Variants in CMYA5 observed in about 807,000 individuals in gnomAD.
The protein encoded by CMYA5 is cardiomyopathy-associated protein 5.
Under a neutral mutation model 318.9 loss-of-function variants are expected in CMYA5, and 246 were observed. The ratio of observed to expected loss-of-function variants is 0.77; its 90% CI spans 0.70 to 0.86. The LOEUF (loss-of-function observed/expected upper bound fraction) is 0.86. CMYA5 is among the 40% of genes least tolerant of loss of function. The pLI is 0.00. For synonymous variants in CMYA5, 1,641 were observed against 1,729.5 expected (o/e 0.95, Z 1.27); for missense variants, 4,589 against 4,678.2 (o/e 0.98, Z 0.56).
intron 9 of CMYA5, among the ~76,000 whole-genome samples, chr5:79,766,321 T>G (rs1388125021): frequency 6.6e-6 from 1 of 152,212 alleles, no homozygotes; most frequent in Non-Finnish European, 1.5e-5. Flanking sequence ...CAGGATGGTC[T>G]CAATTTCCTG....
At chr5:79,717,479 C>G (rs4235714) in intron 1 of CMYA5, among the ~76,000 whole-genome samples, 4 of 151,870 alleles carry the variant, frequency 2.6e-5, no homozygotes, top group Non-Finnish European at 4.4e-5. Flanking sequence ...CTTGCAGCAT[C>G]ATTGATGGAT....
chr5:79,784,525 C>G (rs1293437279), intron 9 of CMYA5, among the ~76,000 whole-genome samples: 1 of 91,990 alleles, frequency 1.1e-5, no homozygotes, highest in Non-Finnish European at 2.1e-5. Flanking sequence ...GCCTCGCTGC[C>G]GCCTTGCAGT....
intron 5 of CMYA5, among the ~76,000 whole-genome samples, chr5:79,748,517 CTACCTATCTAT>C (rs1828371422): frequency 2.0e-5 from 2 of 100,770 alleles, no homozygotes; most frequent in Non-Finnish European, 3.9e-5. Flanking sequence ...ATCTATCTAT[CTACCTATCTAT>C]CTATCTATCT....
intron 1 of CMYA5, among the ~76,000 whole-genome samples, chr5:79,694,993 A>G (rs150592861): frequency 6.6e-6 from 1 of 152,332 alleles, no homozygotes; most frequent in Admixed American, 6.5e-5. Context: ...TGACTCAACG[A>G]AGAGTTAAAC....
At chr5:79,743,101 G>A (rs2151089875) in intron 2 of CMYA5, among the ~76,000 whole-genome samples, 2 of 152,240 alleles carry the variant, frequency 1.3e-5, no homozygotes, top group Non-Finnish European at 2.9e-5. Flanking sequence ...TCCTGAAGAG[G>A]CCTCCATCAA....
chr5:79,697,436 C>T (rs796691574), intron 1 of CMYA5, among the ~76,000 whole-genome samples: 3 of 152,204 alleles, frequency 2.0e-5, no homozygotes, highest in Non-Finnish European at 4.4e-5. Context: ...GGACTTCAGA[C>T]GTCATCTCCC....
At chr5:79,764,033 G>C (rs1219725081) in intron 9 of CMYA5, among the ~76,000 whole-genome samples, 4 of 151,840 alleles carry the variant, frequency 2.6e-5, no homozygotes, top group Non-Finnish European at 5.9e-5. Flanking sequence ...TTAAGTTCTG[G>C]GATATGTGTT....
rs1275036323 is a variant in CMYA5, at chr5:79,739,110, G to A, written c.10345G>A (p.Asp3449Asn). The A allele has an allele frequency of 6.2e-7, 1 of 1,613,922 alleles. No individual in the cohort carries two copies. Among genetic ancestry groups the A allele is most frequent in the African/African-American group, 1.3e-5 (1 of 75,044 alleles). The change falls in exon 2 of 13, where the codon GAT becomes AAT. Residue 3449 changes from aspartate (D) to asparagine (N), a missense_variant. Around this residue, in one of 3 missense-constraint regions of CMYA5, gnomAD observed 2,431 missense variants for 2,495.1 expected, o/e 0.97. Transcript: ENST00000446378. ...ACTGTCTTCAGAATCCACACCTGAA[G>A]ATGTCTTATCTCAAGGAAAGGAATC... Reference protein sequence around the residue: ...EELSSESTPEDVLSQGKESFE... With the variant: ...EELSSESTPENVLSQGKESFE...
At chr5:79,723,730 C>A in intron 1 of CMYA5, among the ~76,000 whole-genome samples, 1 of 149,782 alleles carries the variant, frequency 6.7e-6, no homozygotes. Flanking sequence ...CCACTGCACT[C>A]CAGCCTGGGT....
At chr5:79,746,046 C>T (rs906439326) in intron 4 of CMYA5, among the ~76,000 whole-genome samples, 1 of 152,202 alleles carries the variant, frequency 6.6e-6, no homozygotes, top group African/African-American at 2.4e-5. Context: ...GGGTGCTCCT[C>T]ACATTGCACC....
chr5:79,748,248 A>G (rs2151091328), intron 5 of CMYA5, among the ~76,000 whole-genome samples: 1 of 152,268 alleles, frequency 6.6e-6, no homozygotes, highest in Non-Finnish European at 1.5e-5. Context: ...GATGATTCTA[A>G]TGCACAGCCA....
In CMYA5 at chr5:79,758,824, A is replaced by T; in HGVS notation, c.11182A>T (p.Ser3728Cys). The T allele has an allele frequency of 6.2e-7, 1 of 1,604,234 alleles. No individual in the cohort carries two copies. The highest frequency in any genetic ancestry group is 1.1e-5 in the South Asian group (1 of 89,118). ...CAGCACAACAATTGCAGTTTACTGG[A>T]GCATGAACAAGGAAGATGTCATTGA... is the stretch of plus-strand genomic sequence containing the variant. ...ATSTTIAVYW[S>C]MNKEDVIDSF... The change falls in exon 7 of 13, where the codon AGC (serine) becomes TGC (cysteine). Residue 3728 changes from serine to cysteine, a missense_variant. Coordinates refer to ENST00000446378, the MANE Select transcript of CMYA5 (RefSeq NM_153610.5).
intron 1 of CMYA5, among the ~76,000 whole-genome samples, chr5:79,712,129 A>G (rs933159249): frequency 1.3e-5 from 2 of 152,172 alleles, no homozygotes; most frequent in African/African-American, 4.8e-5. Context: ...CTGAAACTCC[A>G]GGGCTGGGAT....
intron 1 of CMYA5, among the ~76,000 whole-genome samples, chr5:79,693,471 G>A (rs6889891): frequency 1.0e-3 from 158 of 151,996 alleles, no homozygotes; most frequent in Middle Eastern, 6.8e-3. Context: ...CTCCTGAGTA[G>A]CTGGGACTAC....
At position 79,737,776 on chromosome 5, in the gene CMYA5, TAA is replaced by T. The variant is rs1363577803; in HGVS notation, c.9013_9014del (p.Lys3005GlufsTer6). On this transcript the variant is annotated frameshift_variant, in exon 2 of 13. Coordinates refer to ENST00000446378, the MANE Select transcript of CMYA5 (RefSeq NM_153610.5). LOFTEE classifies it high-confidence loss of function. The stretch of plus-strand genomic sequence containing the variant: ...GAAACAGTTGCTTGTCATAAAACAT[TAA>T]AGAGCAGGTTAGAAGATGAAAAAGT... The T allele has an allele frequency of 3.1e-6, 5 of 1,611,572 alleles. No individual in the cohort carries two copies. Among genetic ancestry groups the T allele is most frequent in the Non-Finnish European group, 4.2e-6 (5 of 1,179,328 alleles).
chr5:79,735,093 T>A lies in CMYA5; in HGVS notation c.6328T>A (p.Ser2110Thr). 1 of 1,613,802 alleles carries A rather than the reference T, an allele frequency of 6.2e-7. No individual in the cohort carries two copies. Among genetic ancestry groups the A allele is most frequent in the Admixed American group, 1.7e-5 (1 of 59,972 alleles). ...ATTGGAAGAATCAAAAATGGTTCAG[T>A]CAAAGGTTATTGATGATGCTGATGA... is the stretch of plus-strand genomic sequence containing the variant. Reference protein sequence around the residue: ...KPLEESKMVQSKVIDDADEGK... With the variant: ...KPLEESKMVQTKVIDDADEGK... The change falls in exon 2 of 13, where the codon TCA (serine) becomes ACA (threonine). Residue 2110 changes from serine to threonine, a missense_variant. By Grantham distance (58) the Ser-to-Thr change is moderately conservative. This residue lies in a region of CMYA5 where 2,431 missense variants were observed against 2,495.1 expected (regional missense o/e 0.97). Transcript: ENST00000446378.
Position 79,768,127 on chromosome 5 carries a change from CT to C in CMYA5, c.11555+4928del, listed in dbSNP as rs1181025721. Reference sequence around the variant, plus strand: ...TCAGAGACTAGGATTGCAACCCCTGCTTTTTTTTTTCTTTCCATTTGCTTGG... The same window carrying C: ...TCAGAGACTAGGATTGCAACCCCTGCTTTTTTTTTCTTTCCATTTGCTTGG... On this transcript the variant is annotated intron_variant, in intron 9 of 12. Transcript: ENST00000446378. Among the ~76,000 whole-genome samples the C allele has an allele frequency of 1.3e-4, 20 of 149,184 alleles. 1 individual carries two copies. In the South Asian group the frequency reaches 1.9e-3, roughly 14 times the overall value.
At position 79,731,117 on chromosome 5, in the gene CMYA5, G is replaced by A; in HGVS notation, c.2352G>A (p.Glu784=). Residue 784 remains glutamate, a synonymous_variant, in exon 2 of 13, where the codon GAG becomes GAA. Coordinates refer to ENST00000446378, the MANE Select transcript of CMYA5 (RefSeq NM_153610.5). The part of the protein sequence containing the change: ...TSEHVVPSEG[E]DLGSERFTPD... ...AACACGTGGTCCCATCAGAAGGAGA[G>A]GACCTAGGAAGTGAACGTTTCACAC... 1 of 1,613,912 alleles carries A rather than the reference G, an allele frequency of 6.2e-7. No individual in the cohort carries two copies. Among genetic ancestry groups the A allele is most frequent in the Non-Finnish European group, 8.5e-7 (1 of 1,179,872 alleles).
chr5:79,732,709 T>C lies in CMYA5; in HGVS notation c.3944T>C (p.Val1315Ala). The change falls in exon 2 of 13, where the codon GTG (valine) becomes GCG (alanine). Residue 1315 changes from valine to alanine, a missense_variant. This residue lies in a region of CMYA5 where 2,132 missense variants were observed against 2,131.3 expected (regional missense o/e 1.00). Coordinates refer to ENST00000446378, the MANE Select transcript of CMYA5 (RefSeq NM_153610.5). ...HDSKITTTPI[V>A]LHSASSGVEK... Reference sequence around the variant, plus strand: ...TCCAAAATAACAACTACACCTATAGTGCTTCATTCAGCTTCCTCAGGAGTG... The same window carrying C: ...TCCAAAATAACAACTACACCTATAGCGCTTCATTCAGCTTCCTCAGGAGTG... 1 of 1,613,638 alleles carries C rather than the reference T, an allele frequency of 6.2e-7. No individual in the cohort carries two copies. Among genetic ancestry groups the C allele is most frequent in the Middle Eastern group, 1.7e-4 (1 of 6,060 alleles).
Sources: allele counts gnomAD v4.1 joint callset (sites outside exome capture counted in the v4.1 genomes callset), GRCh38; gene constraint gnomAD v4.1.1; regional missense constraint gnomAD v4.1.1; transcripts MANE v1.5; gene names NCBI Gene and HGNC (gene_info 2026-07-23, HGNC 2026-07-21).